The following IL1RAPL1 variants were observed in gnomAD, a reference collection of about 807,000 sequenced individuals.
The protein encoded by IL1RAPL1 is interleukin 1 receptor accessory protein like 1.
IL1RAPL1 carries 3 observed loss-of-function variants against 48.4 expected under a neutral mutation model. The ratio of observed to expected loss-of-function variants is 0.06; its 90% CI spans 0.03 to 0.16. The LOEUF (loss-of-function observed/expected upper bound fraction) is 0.16. IL1RAPL1 is among the 10% of genes least tolerant of loss of function. The pLI is 1.00. For synonymous variants in IL1RAPL1, 185 were observed against 187.7 expected (o/e 0.99, Z 0.12); for missense variants, 349 against 530.6 (o/e 0.66, Z 3.36).
At chrX:28,638,278 T>C (rs1934490109) in intron 1 of IL1RAPL1, among the ~76,000 whole-genome samples, 2 of 111,237 alleles carry the variant, frequency 1.8e-5, no homozygotes. Context: ...AAAATACAGG[T>C]TAGTAGAGTT....
chrX:29,239,594 C>T (rs1931368371), intron 2 of IL1RAPL1, among the ~76,000 whole-genome samples: 1 of 112,355 alleles, frequency 8.9e-6, no homozygotes, highest in African/African-American at 3.2e-5. Flanking sequence ...GTTTCCTTTG[C>T]CTTTTCCAAC....
chrX:29,459,968 A>G (rs1367614517), intron 5 of IL1RAPL1, among the ~76,000 whole-genome samples: 1 of 111,631 alleles, frequency 9.0e-6, no homozygotes, highest in Non-Finnish European at 1.9e-5. Flanking sequence ...CAACCTTTTT[A>G]GATTCCACAT....
intron 6 of IL1RAPL1, among the ~76,000 whole-genome samples, chrX:29,697,489 ATGTGTGTGTCTGTG>A (rs980417664): frequency 5.4e-5 from 6 of 111,816 alleles, no homozygotes; most frequent in Non-Finnish European, 7.5e-5. Flanking sequence ...GGCAAAATGT[ATGTGTGTGTCTGTG>A]TGTGTGTGTT....
At chrX:29,754,863 T>A (rs1937633273) in intron 6 of IL1RAPL1, among the ~76,000 whole-genome samples, 1 of 112,887 alleles carries the variant, frequency 8.9e-6, no homozygotes, top group Admixed American at 9.4e-5. Context: ...AATACACATT[T>A]ATTATTTCAC....
intron 5 of IL1RAPL1, among the ~76,000 whole-genome samples, chrX:29,594,784 A>G (rs953157002): frequency 9.0e-6 from 1 of 111,455 alleles, no homozygotes; most frequent in Non-Finnish European, 1.9e-5. Context: ...GTGTTTGGTT[A>G]CATGAATAAG....
intron 2 of IL1RAPL1, among the ~76,000 whole-genome samples, chrX:29,017,650 A>G (rs1048192848): frequency 1.8e-5 from 2 of 111,573 alleles, no homozygotes; most frequent in African/African-American, 6.5e-5. Flanking sequence ...CTTAAGTGTA[A>G]CTAAAAAGCT....
intron 5 of IL1RAPL1, among the ~76,000 whole-genome samples, chrX:29,427,952 A>G (rs1241649530): frequency 8.9e-6 from 1 of 111,783 alleles, no homozygotes; most frequent in Non-Finnish European, 1.9e-5. Context: ...TTAAATTTAA[A>G]CTGTAAACTA....
At chrX:29,560,478 A>G (rs748557560) in intron 5 of IL1RAPL1, among the ~76,000 whole-genome samples, 2 of 111,366 alleles carry the variant, frequency 1.8e-5, no homozygotes, top group East Asian at 2.8e-4. Context: ...GCCCCTTTCT[A>G]TATCTTTCTG....
At chrX:28,987,525 C>G (rs911765796) in intron 2 of IL1RAPL1, among the ~76,000 whole-genome samples, 1 of 111,495 alleles carries the variant, frequency 9.0e-6, no homozygotes, top group Admixed American at 9.5e-5. Context: ...CACACACATA[C>G]ACACACACAC....
At chrX:29,176,007 G>A (rs1286203969) in intron 2 of IL1RAPL1, among the ~76,000 whole-genome samples, 1 of 109,264 alleles carries the variant, frequency 9.2e-6, no homozygotes, top group African/African-American at 3.3e-5. Context: ...TAGCTAGGGA[G>A]CTGGTTATAC....
intron 2 of IL1RAPL1, among the ~76,000 whole-genome samples, chrX:28,917,131 T>G (rs1418505362): frequency 1.8e-5 from 2 of 112,018 alleles, no homozygotes; most frequent in East Asian, 5.6e-4. Context: ...CTCATTTGAA[T>G]GTATTTTAAC....
intron 6 of IL1RAPL1, among the ~76,000 whole-genome samples, chrX:29,691,698 T>G (rs1471369132): frequency 1.0e-5 from 1 of 99,633 alleles, no homozygotes; most frequent in Non-Finnish European, 2.0e-5. Context: ...GAGCCGAGAT[T>G]GCGCCACTGC....
chrX:29,584,793 A>G (rs912799424), intron 5 of IL1RAPL1, among the ~76,000 whole-genome samples: 3 of 111,915 alleles, frequency 2.7e-5, no homozygotes, highest in East Asian at 2.8e-4. Context: ...GACTCAAGCT[A>G]TCATCCCGCC....
intron 5 of IL1RAPL1, among the ~76,000 whole-genome samples, chrX:29,565,231 G>T (rs960590782): frequency 4.5e-5 from 5 of 110,142 alleles, no homozygotes; most frequent in African/African-American, 1.3e-4. Flanking sequence ...CAATACGCAG[G>T]GTATGAAATT....
chrX:29,451,369 AT>A (rs941511379), intron 5 of IL1RAPL1, among the ~76,000 whole-genome samples: 5 of 108,637 alleles, frequency 4.6e-5, no homozygotes, highest in South Asian at 4.0e-4. Context: ...TAATTTTTTT[AT>A]TTTTAATAGA....
intron 1 of IL1RAPL1, among the ~76,000 whole-genome samples, chrX:28,745,133 T>C (rs1935958599): frequency 9.0e-6 from 1 of 110,922 alleles, no homozygotes; most frequent in South Asian, 3.8e-4. Flanking sequence ...GAAAGGGGGG[T>C]AAGTTGTGTT....
At position 28,913,901 on chromosome X, in the gene IL1RAPL1, T is replaced by A. The variant is rs758241311; in HGVS notation, c.82+124476T>A. ...CAAAGCATTTACCAGTTGTATGTTA[T>A]CAGAAATTGAATTTTAGGTACTCCT... is the stretch of plus-strand genomic sequence containing the variant. On this transcript the variant is annotated intron_variant, in intron 2 of 10. Coordinates refer to ENST00000378993, the MANE Select transcript of IL1RAPL1 (RefSeq NM_014271.4). Among the ~76,000 whole-genome samples, 477 of 111,276 alleles carry A rather than the reference T, an allele frequency of 4.3e-3. 4 individuals carry two copies. The highest frequency in any genetic ancestry group is 0.015 in the African/African-American group (451 of 30,664).
chrX:28,859,258 T>TATTG (rs908481592), intron 2 of IL1RAPL1, among the ~76,000 whole-genome samples: 33 of 112,021 alleles, frequency 2.9e-4, no homozygotes, highest in African/African-American at 7.8e-4. Context: ...AGATCTTAGC[T>TATTG]ATTGATTGAT....
At chrX:29,622,811 A>T (rs1047422070) in intron 5 of IL1RAPL1, among the ~76,000 whole-genome samples, 1 of 111,759 alleles carries the variant, frequency 8.9e-6, no homozygotes, top group Non-Finnish European at 1.9e-5. Flanking sequence ...AAATTGTGGG[A>T]TTTATTAAAA....
Sources: gnomAD v4.1 joint callset for allele counts (sites outside exome capture counted in the v4.1 genomes callset) on GRCh38, gnomAD v4.1.1 for gene constraint, MANE v1.5 for transcripts, NCBI Gene and HGNC (gene_info 2026-07-23, HGNC 2026-07-21) for gene names.